CAMK1D: variants seen among roughly 807,000 people sequenced by gnomAD.
The protein encoded by CAMK1D is calcium/calmodulin-dependent protein kinase type 1D.
CAMK1D carries 9 observed loss-of-function variants against 47.7 expected under a neutral mutation model. That is an observed-to-expected ratio of 0.19 (90% CI 0.11 to 0.33). CAMK1D has a LOEUF of 0.33. Among genes scored for constraint, CAMK1D ranks in the 10% least tolerant of loss-of-function variants. CAMK1D has a pLI of 1.00. For missense variants in CAMK1D, 291 were observed against 488.7 expected (o/e 0.60, Z 3.81); for synonymous variants, 184 against 184.9 (o/e 0.99, Z 0.04).
chr10:12,561,880 A>T (rs1299356214), intron 2 of CAMK1D, among the ~76,000 whole-genome samples: 1 of 152,226 alleles, frequency 6.6e-6, no homozygotes, highest in Non-Finnish European at 1.5e-5. Flanking sequence ...ACAGTTGGTT[A>T]TATCCCATAC....
At chr10:12,495,055 G>T (rs759425604) in intron 1 of CAMK1D, among the ~76,000 whole-genome samples, 23 of 152,140 alleles carry the variant, frequency 1.5e-4, no homozygotes, top group Non-Finnish European at 2.9e-4. Context: ...TAAAAACACC[G>T]CTATCAAAAT....
At chr10:12,556,815 A>G (rs899238718) in intron 2 of CAMK1D, among the ~76,000 whole-genome samples, 4 of 152,190 alleles carry the variant, frequency 2.6e-5, no homozygotes, top group African/African-American at 9.7e-5. Flanking sequence ...CAGAACTGAG[A>G]AGAATGGACT....
Position 12,834,054 on chromosome 10 carries a change from T to C in CAMK1D, c.*5167T>C, listed in dbSNP as rs559119244. On this transcript the variant is annotated 3_prime_UTR_variant, in exon 11 of 11. Coordinates refer to ENST00000619168, the MANE Select transcript of CAMK1D (RefSeq NM_153498.4). The stretch of plus-strand genomic sequence containing the variant: ...TATTCCAGTCTTTCGATGTTCAGAA[T>C]TGAAAATGTGGAGATAGAAAAGCTC... 5.3e-5 allele frequency: 8 copies of C among 152,238 alleles called. 3 individuals carry two copies. Among genetic ancestry groups the C allele is most frequent in the African/African-American group, 1.9e-4 (8 of 41,550 alleles). The allele number at this position is 152,238 out of a possible 1,614,324, so 9.4% of individuals were successfully genotyped here.
intron 1 of CAMK1D, among the ~76,000 whole-genome samples, chr10:12,351,251 G>C (rs1275400289): frequency 3.3e-5 from 5 of 152,156 alleles, no homozygotes; most frequent in African/African-American, 1.2e-4. Context: ...TTCAGGGAGG[G>C]CACCTATTTG....
intron 3 of CAMK1D, among the ~76,000 whole-genome samples, chr10:12,743,360 G>GAA (rs1454869654): frequency 9.4e-6 from 1 of 105,832 alleles, no homozygotes; most frequent in African/African-American, 3.3e-5. Flanking sequence ...AAAAAAAAAA[G>GAA]AAAAAAGAAA....
chr10:12,605,693 G>A (rs891924967), intron 2 of CAMK1D, among the ~76,000 whole-genome samples: 16 of 152,112 alleles, frequency 1.1e-4, no homozygotes, highest in African/African-American at 3.1e-4. Flanking sequence ...TGGGGGCTGC[G>A]GTGCCACTGG....
intron 3 of CAMK1D, among the ~76,000 whole-genome samples, chr10:12,743,223 T>TG (rs1472062466): frequency 1.3e-5 from 2 of 151,848 alleles, no homozygotes; most frequent in Admixed American, 6.6e-5. Context: ...GGCAGGCACC[T>TG]GTAATCTTAG....
intron 1 of CAMK1D, among the ~76,000 whole-genome samples, chr10:12,530,422 G>A (rs568150006): frequency 6.6e-6 from 1 of 152,190 alleles, no homozygotes; most frequent in Non-Finnish European, 1.5e-5. Flanking sequence ...AAATGAGGTG[G>A]TTGAACTTGA....
At chr10:12,478,198 C>T (rs566234118) in intron 1 of CAMK1D, among the ~76,000 whole-genome samples, 21 of 151,918 alleles carry the variant, frequency 1.4e-4, no homozygotes, top group African/African-American at 4.3e-4. Context: ...TTAGTAGAGA[C>T]GGGGTTTCAC....
chr10:12,756,393 T>C (rs1836228067), intron 3 of CAMK1D, among the ~76,000 whole-genome samples: 1 of 152,242 alleles, frequency 6.6e-6, no homozygotes, highest in Non-Finnish European at 1.5e-5. Flanking sequence ...TCTATTAGAC[T>C]GCATTGCAGT....
At chr10:12,716,227 G>A (rs1295078101) in intron 3 of CAMK1D, among the ~76,000 whole-genome samples, 1 of 152,018 alleles carries the variant, frequency 6.6e-6, no homozygotes, top group Non-Finnish European at 1.5e-5. Context: ...TTGACATCTG[G>A]GGCTGGAGAA....
At chr10:12,766,820 G>A (rs980218801) in intron 4 of CAMK1D, among the ~76,000 whole-genome samples, 3 of 152,140 alleles carry the variant, frequency 2.0e-5, no homozygotes, top group African/African-American at 4.8e-5. Flanking sequence ...GTAGCAGACC[G>A]GCTAAGACAG....
intron 3 of CAMK1D, among the ~76,000 whole-genome samples, chr10:12,722,975 T>C (rs562314337): frequency 1.1e-4 from 16 of 152,050 alleles, no homozygotes; most frequent in South Asian, 6.2e-4. Context: ...GAAAATGGTG[T>C]GGGCTGGAAT....
At position 12,510,602 on chromosome 10, in the gene CAMK1D, T is replaced by C. The variant is rs542445614; in HGVS notation, c.93-42623T>C. Among the ~76,000 whole-genome samples, 467 of 152,336 alleles carry C rather than the reference T, an allele frequency of 3.1e-3. 2 individuals carry two copies. The highest frequency in any genetic ancestry group is 5.2e-3 in the Non-Finnish European group (356 of 68,028). On this transcript the variant is annotated intron_variant, in intron 1 of 10. Coordinates refer to ENST00000619168, the MANE Select transcript of CAMK1D (RefSeq NM_153498.4). ...AAGCAAGTCAGGCAGAATCAGACTC[T>C]TTGCCAAGGGAACTTGTGGTCTTGC...
At chr10:12,711,671 A>G (rs1233952690) in intron 3 of CAMK1D, among the ~76,000 whole-genome samples, 2 of 152,180 alleles carry the variant, frequency 1.3e-5, no homozygotes, top group African/African-American at 2.4e-5. Flanking sequence ...CCCTGTTAAT[A>G]TGAGGCAGGG....
intron 1 of CAMK1D, among the ~76,000 whole-genome samples, chr10:12,367,772 C>G (rs977774745): frequency 4.6e-5 from 7 of 152,126 alleles, no homozygotes; most frequent in African/African-American, 7.2e-5. Flanking sequence ...ATGGGGGCGT[C>G]TGTAAATACT....
intron 2 of CAMK1D, among the ~76,000 whole-genome samples, chr10:12,634,163 G>A (rs927651053): frequency 6.6e-6 from 1 of 152,112 alleles, no homozygotes; most frequent in African/African-American, 2.4e-5. Context: ...TCCCATCCTG[G>A]GTAAGAACAG....
intron 2 of CAMK1D, among the ~76,000 whole-genome samples, chr10:12,631,799 T>A (rs1017644392): frequency 1.3e-5 from 2 of 152,006 alleles, no homozygotes; most frequent in Admixed American, 6.6e-5. Flanking sequence ...ACAATTCTGA[T>A]CGTGTAAGTG....
intron 6 of CAMK1D, among the ~76,000 whole-genome samples, chr10:12,805,722 G>A (rs1294421030): frequency 6.6e-6 from 1 of 152,210 alleles, no homozygotes; most frequent in Non-Finnish European, 1.5e-5. Flanking sequence ...GAGGTGGGCT[G>A]GACTGTGAAG....
Sources: allele counts gnomAD v4.1 joint callset (sites outside exome capture counted in the v4.1 genomes callset), GRCh38; gene constraint gnomAD v4.1.1; transcripts MANE v1.5; gene names NCBI Gene and HGNC (gene_info 2026-07-23, HGNC 2026-07-21).